C2CD3: variants seen among roughly 807,000 people sequenced by gnomAD.
The protein encoded by C2CD3 is C2 domain containing 3 centriole elongation regulator, also known as C2 domain-containing protein 3.
C2CD3 carries 148 observed loss-of-function variants against 234.0 expected under a neutral mutation model. That is an observed-to-expected ratio of 0.63 (90% CI 0.55 to 0.72). The LOEUF (loss-of-function observed/expected upper bound fraction) is 0.72. Among genes scored for constraint, C2CD3 ranks in the 30% least tolerant of loss-of-function variants. The probability of loss-of-function intolerance (pLI) is 0.00; values close to 1 mark genes in which losing one functional copy is unlikely to be tolerated. For missense variants in C2CD3, 2,577 were observed against 2,811.5 expected (o/e 0.92, Z 1.89); for synonymous variants, 1,000 against 1,035.4 (o/e 0.97, Z 0.66).
Position 74,093,825 on chromosome 11 carries a change from A to G in C2CD3, c.3335T>C (p.Ile1112Thr). 1 of 1,613,726 alleles carries G rather than the reference A, an allele frequency of 6.2e-7. No individual in the cohort carries two copies. Among genetic ancestry groups the G allele is most frequent in the Non-Finnish European group, 8.5e-7 (1 of 1,179,804 alleles). Residue 1112 changes from isoleucine (I) to threonine (T), a missense_variant, in exon 18 of 33, where the codon ATC becomes ACC. By Grantham distance (89) the Ile-to-Thr change is moderately conservative. Transcript: ENST00000334126. ...LVPGGGVQFE[I>T]WCRYYYPNVR... ...GGTCTCCACACTGTACCTGCACCAGATTTCAAACTGGACTCCACCTCCAGG... is the reference window on the plus strand; with the variant it reads ...GGTCTCCACACTGTACCTGCACCAGGTTTCAAACTGGACTCCACCTCCAGG...
intron 3 of C2CD3, among the ~76,000 whole-genome samples, chr11:74,151,036 C>T (rs1022153250): frequency 6.6e-6 from 1 of 151,962 alleles, no homozygotes; most frequent in African/African-American, 2.4e-5. Flanking sequence ...AGCGATTCTC[C>T]TGCCTTAGCC....
At chr11:74,036,881 G>T (rs1952770948) in intron 30 of C2CD3, among the ~76,000 whole-genome samples, 1 of 152,220 alleles carries the variant, frequency 6.6e-6, no homozygotes, top group Admixed American at 6.5e-5. Flanking sequence ...CCACCTCAGA[G>T]ATTCTGTTGA....
At chr11:74,080,025 T>C (rs1955268728) in intron 22 of C2CD3, among the ~76,000 whole-genome samples, 1 of 152,176 alleles carries the variant, frequency 6.6e-6, no homozygotes, top group Non-Finnish European at 1.5e-5. Flanking sequence ...TGTGTTTTAA[T>C]AAAAGTTTAC....
intron 29 of C2CD3, among the ~76,000 whole-genome samples, chr11:74,038,975 T>A (rs1301061153): frequency 3.3e-5 from 5 of 152,174 alleles, no homozygotes; most frequent in African/African-American, 1.2e-4. Flanking sequence ...ATCCTTTTGT[T>A]AGAAACAGTC....
At chr11:74,157,150 T>C (rs1380017961) in intron 3 of C2CD3, among the ~76,000 whole-genome samples, 1 of 152,238 alleles carries the variant, frequency 6.6e-6, no homozygotes, top group Non-Finnish European at 1.5e-5. Context: ...TAATTTTATC[T>C]TCTATGGATA....
chr11:74,077,874 T>A (rs1955144237), intron 23 of C2CD3, among the ~76,000 whole-genome samples: 2 of 128,644 alleles, frequency 1.6e-5, no homozygotes, highest in African/African-American at 2.8e-5. Flanking sequence ...GAAGCACTAC[T>A]AAATTATTAT....
At chr11:74,149,612 G>A (rs201672729) in intron 3 of C2CD3, among the ~76,000 whole-genome samples, 2 of 127,160 alleles carry the variant, frequency 1.6e-5, no homozygotes, top group South Asian at 4.9e-4. Context: ...TTTTTTTTTT[G>A]AGAAATCTCT....
chr11:74,120,238 A>C (rs1180114008), intron 8 of C2CD3, among the ~76,000 whole-genome samples: 1 of 151,752 alleles, frequency 6.6e-6, no homozygotes, highest in African/African-American at 2.4e-5. Context: ...TCAACTCATC[A>C]TTTACATTAG....
At chr11:74,099,101 G>T (rs1956217581) in intron 15 of C2CD3, among the ~76,000 whole-genome samples, 1 of 152,148 alleles carries the variant, frequency 6.6e-6, no homozygotes, top group African/African-American at 2.4e-5. Context: ...GAGAAGTGAA[G>T]TGGAAGAAGG....
intron 25 of C2CD3, 140 bp downstream of exon 25, chr11:74,057,266 G>A: frequency 1.4e-5 from 11 of 804,028 alleles, no homozygotes; most frequent in Non-Finnish European, 1.8e-5. Flanking sequence ...ATAAACACTA[G>A]GATTAAATAA....
In C2CD3 at chr11:74,150,698, A is replaced by G. The variant is rs1423069668; in HGVS notation, c.483+10701T>C. 2.0e-5 allele frequency among the ~76,000 whole-genome samples: 3 copies of G among 152,036 alleles called. No homozygotes were observed. The East Asian group carries it at 5.8e-4, about 29-fold the overall frequency. ...TGGATTATTGTGAACCAAGTTCCAG[A>G]TATCATGCCATTTCTGTAAATATAG... On this transcript the variant is annotated intron_variant, in intron 3 of 32. Coordinates refer to ENST00000334126, the MANE Select transcript of C2CD3 (RefSeq NM_001286577.2).
intron 32 of C2CD3, among the ~76,000 whole-genome samples, chr11:74,021,478 G>A (rs976267650): frequency 6.6e-6 from 1 of 152,110 alleles, no homozygotes; most frequent in Non-Finnish European, 1.5e-5. Context: ...GTTAACCATC[G>A]GGAGTCTTCA....
Position 74,084,938 on chromosome 11 carries a change from C to A in C2CD3, c.3943G>T (p.Glu1315Ter), listed in dbSNP as rs1479604534. ...ACTTTTACTACTCCAAGCAGATACTCTTTGCATGACTCAATACTGATTATA... is the reference window on the plus strand; with the variant it reads ...ACTTTTACTACTCCAAGCAGATACTATTTGCATGACTCAATACTGATTATA... Reference protein sequence around the residue: ...SDIISIESCKEYLLGVVKVPT... With the variant: ...SDIISIESCK The change falls in exon 22 of 33, where the codon GAG (glutamate) becomes TAG (stop). Residue 1315 changes from glutamate (E) to a stop codon, truncating the protein, a stop_gained. Transcript: ENST00000334126. LOFTEE classifies it high-confidence loss of function. The A allele has an allele frequency of 6.2e-7, 1 of 1,612,186 alleles. No homozygotes were observed. Among genetic ancestry groups the A allele is most frequent in the Non-Finnish European group, 8.5e-7 (1 of 1,178,358 alleles).
intron 8 of C2CD3, 111 bp from the exon 9 acceptor site, chr11:74,118,493 TAAAG>T: frequency 1.5e-6 from 1 of 675,418 alleles, no homozygotes; most frequent in Admixed American, 2.8e-5. Context: ...ATCATTCTCT[TAAAG>T]AAAGAACTGA....
chr11:74,060,261 A>G (rs539506633), intron 24 of C2CD3, among the ~76,000 whole-genome samples: 2 of 152,364 alleles, frequency 1.3e-5, no homozygotes, highest in East Asian at 1.9e-4. Flanking sequence ...ACAGCTTTGA[A>G]GAGAGTAGTG....
intron 2 of C2CD3, among the ~76,000 whole-genome samples, chr11:74,167,591 C>A (rs1856891549): frequency 6.6e-6 from 1 of 152,206 alleles, no homozygotes. Context: ...TCTTAACTCA[C>A]CCCTGGCTCT....
intron 10 of C2CD3, 106 bp from the exon 11 acceptor site, chr11:74,113,998 C>T: frequency 1.5e-6 from 1 of 661,488 alleles, no homozygotes; most frequent in Non-Finnish European, 2.5e-6. Context: ...ACCTCTAGTA[C>T]TCAGAGGCCC....
intron 2 of C2CD3, among the ~76,000 whole-genome samples, chr11:74,166,227 G>A (rs1054974747): frequency 3.3e-5 from 5 of 151,594 alleles, no homozygotes; most frequent in East Asian, 2.0e-4. Flanking sequence ...GGAGAATGGC[G>A]TGAACCCAGG....
intron 24 of C2CD3, among the ~76,000 whole-genome samples, chr11:74,072,108 T>A (rs1214673360): frequency 6.6e-6 from 1 of 152,160 alleles, no homozygotes; most frequent in East Asian, 1.9e-4. Context: ...TTAAAAAAAA[T>A]TTGTCAAAAA....
Sources: allele counts gnomAD v4.1 joint callset (sites outside exome capture counted in the v4.1 genomes callset), GRCh38; gene constraint gnomAD v4.1.1; transcripts MANE v1.5; gene names NCBI Gene and HGNC (gene_info 2026-07-23, HGNC 2026-07-21).